The following MAPK8IP3 variants were observed in gnomAD, a reference collection of about 807,000 sequenced individuals.
The protein encoded by MAPK8IP3 is mitogen-activated protein kinase 8 interacting protein 3, also known as C-Jun-amino-terminal kinase-interacting protein 3.
In MAPK8IP3, 49 loss-of-function variants were observed where a neutral mutation model predicts 157.8. The ratio of observed to expected loss-of-function variants is 0.31; its 90% CI spans 0.25 to 0.39. The LOEUF (loss-of-function observed/expected upper bound fraction) is 0.39, where lower values mean the gene tolerates loss of function less well. Among genes scored for constraint, MAPK8IP3 ranks in the 10% least tolerant of loss-of-function variants. MAPK8IP3 has a pLI of 1.00. For synonymous variants in MAPK8IP3, 897 were observed against 777.7 expected, an observed-to-expected ratio of 1.15 and a Z score of -2.55; for missense variants, 1,478 against 1,889.4, an observed-to-expected ratio of 0.78 and a Z score of 4.04.
chr16:1,735,547 GTGTGAGAGTGTGACCGTCCA>G (rs2039652047), intron 4 of MAPK8IP3, among the ~76,000 whole-genome samples: 2 of 136,438 alleles, frequency 1.5e-5, no homozygotes, highest in Admixed American at 7.3e-5. Flanking sequence ...GTGAGCGTCC[GTGTGAGAGTGTGACCGTCCA>G]TGTGAGAGTC....
intron 4 of MAPK8IP3, among the ~76,000 whole-genome samples, chr16:1,732,369 C>T (rs1172148280): frequency 2.0e-5 from 3 of 152,250 alleles, no homozygotes; most frequent in Non-Finnish European, 2.9e-5. Flanking sequence ...GGGGGTTACA[C>T]CTGCAAACGA....
At chr16:1,746,947 G>C in intron 5 of MAPK8IP3, 82 bp from the exon 6 acceptor site, 1 of 1,500,612 alleles carries the variant, frequency 6.7e-7, no homozygotes, top group South Asian at 1.3e-5. Flanking sequence ...ATTGGTGCGC[G>C]GGGCCTCAGG....
chr16:1,747,334 G>A, intron 6 of MAPK8IP3, 59 bp downstream of exon 6: 2 of 1,583,112 alleles, frequency 1.3e-6, no homozygotes, highest in African/African-American at 2.7e-5. Flanking sequence ...GCTTGGTTTG[G>A]GTAGATGTGA....
In MAPK8IP3 at chr16:1,733,444, G is replaced by A. The variant is rs187140017; in HGVS notation, c.602+3866G>A. Among the ~76,000 whole-genome samples, 249 of 152,356 alleles carry A rather than the reference G, an allele frequency of 1.6e-3. 1 individual carries two copies. Among genetic ancestry groups the A allele is most frequent in the African/African-American group, 5.7e-3 (235 of 41,584 alleles). The stretch of plus-strand genomic sequence containing the variant: ...CAGAGGCTGCCCCAGCTCCAGAGCC[G>A]CCTGATGCTGCCGTCGTCATGGGCC... On this transcript the variant is annotated intron_variant, in intron 4 of 31. Transcript: ENST00000610761.
chr16:1,763,075 C>T lies in MAPK8IP3; in HGVS notation c.1898+69C>T, dbSNP rs921630674. 4 of 1,581,336 alleles carry T rather than the reference C, an allele frequency of 2.5e-6. No homozygotes were observed. The African/African-American group carries it at 5.4e-5, about 21-fold the overall frequency. On this transcript the variant is annotated intron_variant, in intron 16 of 31. Transcript: ENST00000610761. ...GGGAGGCCCTGTCCTGAGGCTCCTC[C>T]CCTCCAGGCCCTGAAGCGGGACTTT...
intron 5 of MAPK8IP3, chr16:1,744,593 C>CT (rs2040855644): frequency 4.6e-5 from 45 of 985,630 alleles, no homozygotes; most frequent in South Asian, 4.2e-4. Context: ...CCTCCTCTCA[C>CT]TGTCTCTGGC....
rs140166958 is a variant in MAPK8IP3 at position 1,709,504 on chromosome 16, C to G, written c.318+2847C>G. On this transcript the variant is annotated intron_variant, in intron 1 of 31. Transcript: ENST00000610761. ...AGATGTAGCAGAGTCAGGGCAGAAC[C>G]CTTGACGGGTTCTCAGGGCCGCCGT... Among the ~76,000 whole-genome samples, 658 of 152,384 alleles carry G rather than the reference C, an allele frequency of 4.3e-3. 3 individuals are homozygous for G. Among genetic ancestry groups the G allele is most frequent in the Non-Finnish European group, 7.3e-3 (499 of 68,038 alleles).
chr16:1,768,988 T>C lies in MAPK8IP3; in HGVS notation c.*164T>C. ...CTCCAGCGGGCAGGGAGTGCGGGGA[T>C]GCGGATCAGCTGGGAGGAGGAGGGG... On this transcript the variant is annotated 3_prime_UTR_variant, in exon 32 of 32. Coordinates refer to ENST00000610761, the MANE Select transcript of MAPK8IP3 (RefSeq NM_001318852.2). The C allele has an allele frequency of 1.3e-6, 1 of 769,206 alleles. No individual in the cohort carries two copies. Among genetic ancestry groups the C allele is most frequent in the Non-Finnish European group, 2.1e-6 (1 of 484,894 alleles). 47.6% of individuals were successfully genotyped at this position (769,206 alleles called of 1,614,324 possible).
chr16:1,757,411 CTT>C (rs1268685905), intron 8 of MAPK8IP3, among the ~76,000 whole-genome samples: 2 of 152,174 alleles, frequency 1.3e-5, no homozygotes, highest in Non-Finnish European at 2.9e-5. Flanking sequence ...GCTCAAGTGA[CTT>C]TTTAATGCCA....
chr16:1,754,951 A>G (rs1298188155), intron 8 of MAPK8IP3, among the ~76,000 whole-genome samples: 1 of 152,206 alleles, frequency 6.6e-6, no homozygotes, highest in Non-Finnish European at 1.5e-5. Context: ...CCGTTCCCAC[A>G]GGAATCCGTT....
chr16:1,740,396 G>A (rs34089266), intron 4 of MAPK8IP3, among the ~76,000 whole-genome samples: 1 of 150,476 alleles, frequency 6.6e-6, no homozygotes, highest in Non-Finnish European at 1.5e-5. Flanking sequence ...GCGTGTGACC[G>A]TCCGTGTGAG....
Position 1,765,186 on chromosome 16 carries a change from G to A in MAPK8IP3, c.2446+8G>A, listed in dbSNP as rs1235575739. On this transcript the variant is annotated splice_region_variant and intron_variant, in intron 20 of 31. Coordinates refer to ENST00000610761, the MANE Select transcript of MAPK8IP3 (RefSeq NM_001318852.2). ...GCATCTCCAGCATCCCCGGTGAGCA[G>A]CTGGAGTGGGCGTTTCCACTCGGGC... 1.3e-6 allele frequency: 2 copies of A among 1,584,140 alleles called. No homozygotes were observed. The highest frequency in any genetic ancestry group is 1.7e-6 in the Non-Finnish European group (2 of 1,157,844).
chr16:1,729,137 G>T lies in MAPK8IP3; in HGVS notation c.440-1G>T. The T allele has an allele frequency of 6.2e-7, 1 of 1,614,056 alleles. No individual in the cohort carries two copies. On this transcript the variant is annotated splice_acceptor_variant, in intron 2 of 31. Coordinates refer to ENST00000610761, the MANE Select transcript of MAPK8IP3 (RefSeq NM_001318852.2). LOFTEE classifies it high-confidence loss of function. The stretch of plus-strand genomic sequence containing the variant: ...GCTCAGACAGTGATTGTGTTTTCCA[G>T]TTTCCCGGTTGGAGGAGCGGGAGTC...
intron 22 of MAPK8IP3, 58 bp from the exon 23 acceptor site, chr16:1,766,471 G>A: frequency 1.2e-6 from 2 of 1,602,456 alleles, no homozygotes; most frequent in Non-Finnish European, 1.7e-6. Flanking sequence ...AGGGCCTCGG[G>A]GTCTTGGGGC....
intron 13 of MAPK8IP3, among the ~76,000 whole-genome samples, chr16:1,762,004 C>T (rs1018875511): frequency 4.6e-5 from 7 of 152,188 alleles, no homozygotes; most frequent in African/African-American, 9.7e-5. Flanking sequence ...GGGGACTCGC[C>T]GGCTGTTCTG....
chr16:1,713,358 A>G (rs1375739215), intron 1 of MAPK8IP3, among the ~76,000 whole-genome samples: 1 of 152,192 alleles, frequency 6.6e-6, no homozygotes. Context: ...AGCTGGGACT[A>G]CAGGCTCGTG....
rs201221610 is a variant in MAPK8IP3 at position 1,766,342 on chromosome 16, G to A, written c.2752G>A (p.Gly918Arg). ...GCCAGAGACAGCCACATTGCGGCCC[G>A]GGCCTCTCACAGAGCACGTCTTCAC... is the stretch of plus-strand genomic sequence containing the variant. ...SEPETATLRPGPLTEHVFTDP... is the reference protein window; with the variant it reads ...SEPETATLRPRPLTEHVFTDP... Residue 918 changes from glycine (G) to arginine (R), a missense_variant, in exon 22 of 32, where the codon GGG becomes AGG. Physicochemically the swap from Gly to Arg is moderately radical, Grantham distance 125. Around this residue, in one of 11 missense-constraint regions of MAPK8IP3, gnomAD observed 669 missense variants for 759.8 expected, o/e 0.88. Transcript: ENST00000610761. 5.1e-4 allele frequency: 823 copies of A among 1,612,680 alleles called. 1 individual carries two copies. The highest frequency in any genetic ancestry group is 8.2e-4 in the Middle Eastern group (5 of 6,062).
At position 1,720,026 on chromosome 16, in the gene MAPK8IP3, T is replaced by C. The variant is rs369061535; in HGVS notation, c.319-4531T>C. 9.9e-5 allele frequency among the ~76,000 whole-genome samples: 15 copies of C among 152,256 alleles called. No homozygotes were observed. In the South Asian group the frequency reaches 3.1e-3, roughly 32 times the overall value. On this transcript the variant is annotated intron_variant, in intron 1 of 31. Coordinates refer to ENST00000610761, the MANE Select transcript of MAPK8IP3 (RefSeq NM_001318852.2). ...CAGCAGGTGAATATACAAAGACGTG[T>C]GTGCACACAGCTTTTGTTTGTTTGT...
At position 1,761,315 on chromosome 16, in the gene MAPK8IP3, C is replaced by G. The variant is rs2041921822; in HGVS notation, c.1539+10C>G. ...TCTCTGTACAGAATCGGTACATCCACTCTTCACTCTTCACATGCGGGGCGT... is the reference window on the plus strand; with the variant it reads ...TCTCTGTACAGAATCGGTACATCCAGTCTTCACTCTTCACATGCGGGGCGT... On this transcript the variant is annotated intron_variant, in intron 13 of 31. Coordinates refer to ENST00000610761, the MANE Select transcript of MAPK8IP3 (RefSeq NM_001318852.2). 1 of 1,609,848 alleles carries G rather than the reference C, an allele frequency of 6.2e-7. No individual in the cohort carries two copies. The highest frequency in any genetic ancestry group is 1.3e-5 in the African/African-American group (1 of 75,006).
Sources: allele counts gnomAD v4.1 joint callset (sites outside exome capture counted in the v4.1 genomes callset), GRCh38; gene constraint gnomAD v4.1.1; regional missense constraint gnomAD v4.1.1; transcripts MANE v1.5; gene names NCBI Gene and HGNC (gene_info 2026-07-23, HGNC 2026-07-21).